The following L3HYPDH variants were observed in gnomAD, a reference collection of about 807,000 sequenced individuals.
The protein encoded by L3HYPDH is trans-L-3-hydroxyproline dehydratase, also known as trans-3-hydroxy-L-proline dehydratase.
A neutral mutation model predicts 26.5 loss-of-function variants in L3HYPDH; 32 were observed. The ratio of observed to expected loss-of-function variants is 1.21; its 90% CI spans 0.91 to 1.62. The LOEUF is 1.62. Ranked by LOEUF, L3HYPDH falls within the 40% of genes most tolerant of loss-of-function variation. The pLI, the probability that L3HYPDH is intolerant of heterozygous loss-of-function variation, is 0.00. For missense variants in L3HYPDH, 554 were observed against 476.4 expected, an observed-to-expected ratio of 1.16 and a Z score of -1.52; for synonymous variants, 215 against 196.6, an observed-to-expected ratio of 1.09 and a Z score of -0.78.
the L3HYPDH span, among the ~76,000 whole-genome samples, chr14:59,491,988 C>T: frequency 1.1e-4 from 16 of 152,156 alleles, no homozygotes; most frequent in African/African-American, 3.6e-4. Context: ...GACTCTTGCT[C>T]ATTAAAATCT....
At position 59,484,375 on chromosome 14, in the gene L3HYPDH, AC is replaced by A. The variant is rs1305837537; in HGVS notation, c.-60del. 1 of 1,499,572 alleles carries A rather than the reference AC, an allele frequency of 6.7e-7. No homozygotes were observed. Among genetic ancestry groups the A allele is most frequent in the African/African-American group, 1.4e-5 (1 of 72,502 alleles). The allele number at this position is 1,499,572 out of a possible 1,614,324, so 92.9% of individuals were successfully genotyped here. ...AGCTATGGCTTCAAGCCCGACCCTC[AC>A]CCACTGACTCCGCGGGAGGAGGGCG... On this transcript the variant is annotated 5_prime_UTR_variant, in exon 1 of 5. Transcript: ENST00000247194.
At chr14:59,481,030 G>C (rs1889983069) in intron 1 of L3HYPDH, among the ~76,000 whole-genome samples, 1 of 152,136 alleles carries the variant, frequency 6.6e-6, no homozygotes, top group Non-Finnish European at 1.5e-5. Flanking sequence ...GATGAAATTG[G>C]GAAGCTGGTT....
At chr14:59,473,141 A>G in intron 4 of L3HYPDH, 51 bp from the exon 5 acceptor site, 1 of 1,517,810 alleles carries the variant, frequency 6.6e-7, no homozygotes, top group South Asian at 1.3e-5. Context: ...CTCGTATTAT[A>G]TCTGGCTTGA....
the L3HYPDH span, among the ~76,000 whole-genome samples, chr14:59,492,605 CA>C: frequency 6.6e-6 from 1 of 152,174 alleles, no homozygotes; most frequent in Non-Finnish European, 1.5e-5. Context: ...AGGCAAGGAT[CA>C]TTTGTATCAT....
chr14:59,484,609 G>A, upstream of L3HYPDH: 1 of 1,579,100 alleles, frequency 6.3e-7, no homozygotes, highest in South Asian at 1.2e-5. Flanking sequence ...TGGTCGCCAA[G>A]ATCCCGGGAA....
chr14:59,504,128 TC>T, the L3HYPDH span: 4 of 1,043,214 alleles, frequency 3.8e-6, no homozygotes, highest in Admixed American at 5.6e-5. Context: ...AAAAAGTAAA[TC>T]AATCTTAACA....
chr14:59,501,099 G>C, the L3HYPDH span: 1 of 798,872 alleles, frequency 1.3e-6, no homozygotes, highest in Non-Finnish European at 2.0e-6. Context: ...GAAAGGATTT[G>C]ACTCTAAGGA....
At position 59,476,319 on chromosome 14, in the gene L3HYPDH, T is replaced by C. The variant is rs1314450008; in HGVS notation, c.679-105A>G. ...AGACATAACTTTTTAATCCTTATCATTTTTAAAATACCTTTTTGGGCAACG... is the reference window on the plus strand; with the variant it reads ...AGACATAACTTTTTAATCCTTATCACTTTTAAAATACCTTTTTGGGCAACG... On this transcript the variant is annotated intron_variant, in intron 2 of 4. Transcript: ENST00000247194. 76 of 840,074 alleles carry C rather than the reference T, an allele frequency of 9.0e-5. No homozygotes were observed. The East Asian group carries it at 2.0e-3, about 22-fold the overall frequency. The allele number at this position is 840,074 out of a possible 1,614,324, so 52.0% of individuals were successfully genotyped here. A position where few individuals can be genotyped will look rare whatever the true frequency, so the allele number is the denominator to read the frequency against.
chr14:59,479,490 GTTT>G, intron 1 of L3HYPDH, 139 bp from the exon 2 acceptor site: 1 of 816,716 alleles, frequency 1.2e-6, no homozygotes, highest in Non-Finnish European at 1.9e-6. Context: ...GTAAAAATCC[GTTT>G]TTTAAATGAA....
chr14:59,472,356 T>C (rs915970824), downstream of L3HYPDH, among the ~76,000 whole-genome samples: 2 of 152,202 alleles, frequency 1.3e-5, no homozygotes, highest in African/African-American at 4.8e-5. Flanking sequence ...AAAAGTCTGA[T>C]TACTAGTTGG....
upstream of L3HYPDH, chr14:59,486,804 GGTAA>G (rs778229086): frequency 2.0e-6 from 3 of 1,532,116 alleles, no homozygotes; most frequent in African/African-American, 4.1e-5. Flanking sequence ...GAGAATGTGG[GGTAA>G]GTCTTATGTT....
In L3HYPDH at chr14:59,484,213, A is replaced by T; in HGVS notation, c.104T>A (p.Val35Glu). The T allele has an allele frequency of 6.3e-7, 1 of 1,598,784 alleles. No homozygotes were observed. The highest frequency in any genetic ancestry group is 1.1e-5 in the South Asian group (1 of 91,056). ...MHTGGEPLRI[V>E]LAGCPEVSGP... Reference sequence around the variant, plus strand: ...AGACACCTCCGGACACCCCGCCAGCACGATACGCAAGGGCTCGCCGCCCGT... The same window carrying T: ...AGACACCTCCGGACACCCCGCCAGCTCGATACGCAAGGGCTCGCCGCCCGT... The change falls in exon 1 of 5, where the codon GTG becomes GAG. Residue 35 changes from valine to glutamate, a missense_variant. Physicochemically the swap from Val to Glu is moderately radical, Grantham distance 121 (BLOSUM62 -2). Coordinates refer to ENST00000247194, the MANE Select transcript of L3HYPDH (RefSeq NM_144581.2).
intron 4 of L3HYPDH, among the ~76,000 whole-genome samples, chr14:59,473,760 G>C (rs140987688): frequency 4.0e-4 from 61 of 152,264 alleles, no homozygotes; most frequent in Non-Finnish European, 7.9e-4. Flanking sequence ...CTGAAGCCTA[G>C]GAAGTGGATG....
the L3HYPDH span, among the ~76,000 whole-genome samples, chr14:59,492,797 ATTT>A: frequency 0.016 from 2,116 of 131,960 alleles, 31 homozygotes; most frequent in African/African-American, 0.047. Flanking sequence ...GAGAGCTGCT[ATTT>A]TTTTTTTTTT....
chr14:59,502,236 T>C, the L3HYPDH span, among the ~76,000 whole-genome samples: 1 of 152,324 alleles, frequency 6.6e-6, no homozygotes, highest in East Asian at 1.9e-4. Context: ...TTAAATACGT[T>C]AATGGCTCTG....
At chr14:59,483,232 A>C (rs1890177095) in intron 1 of L3HYPDH, among the ~76,000 whole-genome samples, 3 of 152,248 alleles carry the variant, frequency 2.0e-5, no homozygotes, top group Admixed American at 2.0e-4. Flanking sequence ...GCACAGCTTT[A>C]GGGGGTTATC....
the L3HYPDH span, chr14:59,504,252 ACT>A: frequency 1.7e-6 from 1 of 594,178 alleles, no homozygotes; most frequent in Non-Finnish European, 3.0e-6. Context: ...AAAATGCAAA[ACT>A]CTGTAATACT....
intron 1 of L3HYPDH, among the ~76,000 whole-genome samples, chr14:59,466,301 G>A (rs1889176250): frequency 6.6e-6 from 1 of 152,180 alleles, no homozygotes; most frequent in African/African-American, 2.4e-5. Flanking sequence ...TGGGAGATAC[G>A]GGGAAAAGAA....
rs143935541 is a variant in L3HYPDH at position 59,467,267 on chromosome 14, G to A, written n.31-6094C>T. 3.1e-4 allele frequency among the ~76,000 whole-genome samples: 47 copies of A among 152,358 alleles called. 1 individual carries two copies. The East Asian group carries it at 8.5e-3, about 27-fold the overall frequency. On this transcript the variant is annotated intron_variant and non_coding_transcript_variant, in intron 1 of 2. Transcript: ENST00000466522. ...ATGAATGTGCAAAGTCTGGAGGTTA[G>A]TGTTGAAGTGAGCAGTGTCTGAATT...
Sources: gnomAD v4.1 joint callset for allele counts (sites outside exome capture counted in the v4.1 genomes callset) on GRCh38, gnomAD v4.1.1 for gene constraint, MANE v1.5 for transcripts, NCBI Gene and HGNC (gene_info 2026-07-23, HGNC 2026-07-21) for gene names.